Variants in LINC00632 observed in about 807,000 individuals in gnomAD.
LINC00632 encodes long independently transcribed non-coding RNA 632, also known as ALDOA related specific transcript.
rs375578757 is a variant in LINC00632, at chrX:140,748,889, A to T, written n.191+14925A>T. 2.5e-4 allele frequency among the ~76,000 whole-genome samples: 26 copies of T among 103,014 alleles called. No individual in the cohort carries two copies. The South Asian group carries it at 4.1e-3, about 16-fold the overall frequency. The allele number at this position is 103,014 out of a possible 115,157, so 89.5% of individuals were successfully genotyped here. ...ATAAAATGTATATAAAAATATATAA[A>T]ATAAAATATATATATTTTATAAACT... On this transcript the variant is annotated intron_variant and non_coding_transcript_variant, in intron 3 of 4. Transcript: ENST00000648200.
At chrX:140,713,678 A>G (rs1461099372) in intron 2 of LINC00632, 2 of 342,027 alleles carry the variant, frequency 5.8e-6, no homozygotes, top group Non-Finnish European at 5.9e-6. Flanking sequence ...GACATATCCA[A>G]AGGCACACCG....
intron 2 of LINC00632, among the ~76,000 whole-genome samples, chrX:140,731,566 G>A (rs1013091340): frequency 1.5e-4 from 17 of 111,819 alleles, no homozygotes; most frequent in Non-Finnish European, 3.0e-4. Context: ...CCCTGCCTTC[G>A]AGGCTGTTGT....
intron 3 of LINC00632, among the ~76,000 whole-genome samples, chrX:140,745,348 A>T (rs11095831): frequency 0.46 from 49,575 of 108,688 alleles, 8,981 homozygotes; most frequent in South Asian, 0.73. Context: ...GACCCTTTTG[A>T]TACTTGAAGA....
chrX:140,767,519 A>T (rs934297555), intron 3 of LINC00632, among the ~76,000 whole-genome samples: 8 of 112,147 alleles, frequency 7.1e-5, no homozygotes, highest in Non-Finnish European at 1.3e-4. Flanking sequence ...TTCTATGCAC[A>T]TTTAGTAACT....
At position 140,737,786 on chromosome X, in the gene LINC00632, G is replaced by A. The variant is rs529472560; in HGVS notation, n.191+3822G>A. Among the ~76,000 whole-genome samples the A allele has an allele frequency of 1.4e-4, 16 of 111,739 alleles. No individual in the cohort carries two copies. In the South Asian group the frequency reaches 5.2e-3, roughly 37 times the overall value. On this transcript the variant is annotated intron_variant and non_coding_transcript_variant, in intron 3 of 4. Coordinates refer to ENST00000648200, the Ensembl canonical transcript of LINC00632. ...GACTTCCAGTTCCATCCATGTTGCT[G>A]CAAATGATAGGATTTCATTCCTTTT...
At chrX:140,751,951 C>G (rs1463468514) in intron 3 of LINC00632, among the ~76,000 whole-genome samples, 1 of 111,376 alleles carries the variant, frequency 9.0e-6, no homozygotes, top group Non-Finnish European at 1.9e-5. Flanking sequence ...GCAATCGCTC[C>G]TTCACCTTTG....
At chrX:140,716,416 G>A (rs149683303) in intron 2 of LINC00632, 30 of 110,672 alleles carry the variant, frequency 2.7e-4, no homozygotes, top group African/African-American at 9.5e-4. Context: ...TACAGTGCCT[G>A]GTACATAGTG....
At chrX:140,777,933 TGG>T (rs893610597) in exon 5 of LINC00632, among the ~76,000 whole-genome samples, 1 of 112,237 alleles carries the variant, frequency 8.9e-6, no homozygotes, top group African/African-American at 3.2e-5. Context: ...ATTGTGCTCA[TGG>T]TTCAAGTTTT....
At chrX:140,784,534 C>G in exon 5 of LINC00632, 1 of 575,154 alleles carries the variant, frequency 1.7e-6, no homozygotes, top group Non-Finnish European at 2.8e-6. Flanking sequence ...TCTGTGTCTT[C>G]CAGCATCTTC....
chrX:140,733,297 CAT>C (rs1285071809), intron 2 of LINC00632, among the ~76,000 whole-genome samples: 4 of 112,146 alleles, frequency 3.6e-5, no homozygotes, highest in Admixed American at 9.5e-5. Flanking sequence ...GAAATAGAAA[CAT>C]GTGCATAGCC....
intron 3 of LINC00632, among the ~76,000 whole-genome samples, chrX:140,769,211 G>A (rs1449571349): frequency 9.0e-6 from 1 of 111,527 alleles, no homozygotes; most frequent in Non-Finnish European, 1.9e-5. Context: ...TAAAAAGCTG[G>A]TGGCTATGAG....
chrX:140,717,876 C>T (rs982568414), intron 2 of LINC00632, among the ~76,000 whole-genome samples: 8 of 111,475 alleles, frequency 7.2e-5, no homozygotes, highest in African/African-American at 2.3e-4. Context: ...GTGGGTCACA[C>T]CTGTAATTCC....
chrX:140,790,529 ATTC>A (rs1932093044), exon 5 of LINC00632, among the ~76,000 whole-genome samples: 2 of 110,809 alleles, frequency 1.8e-5, no homozygotes, highest in South Asian at 3.8e-4. Context: ...ATTTTTCGCT[ATTC>A]TTGTGCATCC....
intron 3 of LINC00632, among the ~76,000 whole-genome samples, chrX:140,767,577 A>G (rs991199693): frequency 8.9e-6 from 1 of 111,889 alleles, no homozygotes; most frequent in African/African-American, 3.2e-5. Flanking sequence ...GAATAATTTC[A>G]TGAAGCACTC....
intron 3 of LINC00632, among the ~76,000 whole-genome samples, chrX:140,743,238 AAAAAAAAAAAAAAAAAAAAAAAG>A (rs953723481): frequency 2.6e-5 from 1 of 37,832 alleles, no homozygotes. Flanking sequence ...AAAAAAAAAA[AAAAAAAAAAAAAAAAAAAAAAAG>A]AAATAGAGAT....
exon 5 of LINC00632, among the ~76,000 whole-genome samples, chrX:140,791,152 A>T (rs1017520341): frequency 9.0e-6 from 1 of 110,943 alleles, no homozygotes; most frequent in South Asian, 3.8e-4. Flanking sequence ...CCCCTTTTCA[A>T]GTTATGGAAA....
chrX:140,764,355 CGGGGGCGGGGGTGGGGGT>C (rs1569354935), intron 3 of LINC00632, among the ~76,000 whole-genome samples: 1 of 3,134 alleles, frequency 3.2e-4, no homozygotes. Flanking sequence ...CGGAGTGGGG[CGGGGGCGGGGGTGGGGGT>C]GGGGGTGGGG....
At chrX:140,767,650 C>G (rs775998398) in intron 3 of LINC00632, among the ~76,000 whole-genome samples, 10 of 112,033 alleles carry the variant, frequency 8.9e-5, no homozygotes, top group Non-Finnish European at 1.7e-4. Flanking sequence ...TTTAGACAAG[C>G]TATAAACTAG....
intron 2 of LINC00632, chrX:140,711,997 C>T (rs1314527884): frequency 9.0e-6 from 1 of 110,988 alleles, no homozygotes. Flanking sequence ...AATAGGTCAC[C>T]GATTGTTTCA....
Sources: gnomAD v4.1 joint callset for allele counts (sites outside exome capture counted in the v4.1 genomes callset) on GRCh38, gnomAD v4.1.1 for gene constraint, MANE v1.5 for transcripts, NCBI Gene and HGNC (gene_info 2026-07-23, HGNC 2026-07-21) for gene names.